GRID2: variants seen among roughly 807,000 people sequenced by gnomAD.
The protein encoded by GRID2 is glutamate ionotropic receptor delta type subunit 2.
GRID2 carries 33 observed loss-of-function variants against 114.8 expected under a neutral mutation model. The ratio of observed to expected loss-of-function variants is 0.29; its 90% CI spans 0.22 to 0.38. GRID2 has a LOEUF of 0.38. Among genes scored for constraint, GRID2 ranks in the 10% least tolerant of loss-of-function variants. GRID2 has a pLI of 1.00. For missense variants in GRID2, 1,184 were observed against 1,257.7 expected (o/e 0.94, Z 0.89); for synonymous variants, 505 against 449.9 (o/e 1.12, Z -1.55).
intron 13 of GRID2, among the ~76,000 whole-genome samples, chr4:93,592,603 C>T (rs376268280): frequency 9.2e-5 from 14 of 152,004 alleles, no homozygotes; most frequent in Middle Eastern, 3.4e-3. Context: ...TTCAATTCCT[C>T]GGTATCCTTG....
intron 2 of GRID2, among the ~76,000 whole-genome samples, chr4:93,066,269 AAC>A (rs1357481613): frequency 1.3e-5 from 2 of 152,034 alleles, no homozygotes; most frequent in Admixed American, 6.6e-5. Flanking sequence ...AGAGAAAAGT[AAC>A]ACAGTAATTT....
chr4:92,726,603 T>C (rs911134304), intron 2 of GRID2, among the ~76,000 whole-genome samples: 2 of 152,104 alleles, frequency 1.3e-5, no homozygotes, highest in African/African-American at 4.8e-5. Context: ...ATTTTGAAGC[T>C]GTAGTGAAAA....
intron 8 of GRID2, among the ~76,000 whole-genome samples, chr4:93,373,984 G>A (rs1457396471): frequency 6.6e-6 from 1 of 152,170 alleles, no homozygotes; most frequent in African/African-American, 2.4e-5. Context: ...ATACTAGTAT[G>A]TGTTGTCTTA....
intron 8 of GRID2, among the ~76,000 whole-genome samples, chr4:93,336,122 T>A (rs1251498033): frequency 6.6e-6 from 1 of 152,216 alleles, no homozygotes; most frequent in East Asian, 1.9e-4. Flanking sequence ...TTTGCCTTAA[T>A]GAAAATAAAA....
chr4:92,483,355 A>G (rs1210522103), intron 1 of GRID2, among the ~76,000 whole-genome samples: 1 of 152,028 alleles, frequency 6.6e-6, no homozygotes, highest in African/African-American at 2.4e-5. Flanking sequence ...TAATAATACT[A>G]ATAATAATAA....
chr4:93,117,293 A>G (rs1733362915), intron 4 of GRID2, among the ~76,000 whole-genome samples: 1 of 152,028 alleles, frequency 6.6e-6, no homozygotes, highest in Admixed American at 6.6e-5. Context: ...ATTCACCTAG[A>G]AAATTCACCT....
At chr4:93,770,206 T>A (rs1439552) in intron 15 of GRID2, among the ~76,000 whole-genome samples, 18 of 152,234 alleles carry the variant, frequency 1.2e-4, no homozygotes, top group African/African-American at 4.1e-4. Context: ...TCCATTGGAC[T>A]AAAGGGGTGA....
At chr4:92,920,848 T>G (rs574742191) in intron 2 of GRID2, among the ~76,000 whole-genome samples, 46 of 151,972 alleles carry the variant, frequency 3.0e-4, no homozygotes, top group Admixed American at 1.8e-3. Flanking sequence ...TTCTCAAGGA[T>G]TATCTTTGTG....
intron 12 of GRID2, among the ~76,000 whole-genome samples, chr4:93,495,025 T>A (rs1048243088): frequency 4.0e-5 from 6 of 151,810 alleles, no homozygotes; most frequent in Non-Finnish European, 7.4e-5. Context: ...TAGTTATTAA[T>A]AACTTTAGAA....
chr4:93,627,395 T>C (rs1248683895), intron 14 of GRID2, among the ~76,000 whole-genome samples: 1 of 152,086 alleles, frequency 6.6e-6, no homozygotes, highest in East Asian at 1.9e-4. Flanking sequence ...GAACTAAAAA[T>C]CAGTAGTTCA....
intron 8 of GRID2, among the ~76,000 whole-genome samples, chr4:93,316,317 A>AAGGAAGGAAGGAAGG (rs1232806918): frequency 7.8e-5 from 4 of 51,156 alleles, no homozygotes; most frequent in African/African-American, 3.6e-4. Context: ...AGAAAGAAAG[A>AAGGAAGGAAGGAAGG]AAGAAAGAAA....
At chr4:92,554,035 A>G (rs1726730309) in intron 1 of GRID2, among the ~76,000 whole-genome samples, 1 of 152,182 alleles carries the variant, frequency 6.6e-6, no homozygotes, top group Non-Finnish European at 1.5e-5. Flanking sequence ...CAACATATTC[A>G]ACAACATTAT....
chr4:92,326,539 A>G (rs1400466788), intron 1 of GRID2, among the ~76,000 whole-genome samples: 2 of 151,930 alleles, frequency 1.3e-5, no homozygotes, highest in Non-Finnish European at 2.9e-5. Flanking sequence ...TATAGAAAGG[A>G]TAAAGTGAAA....
chr4:93,541,225 G>A (rs1732622108), intron 13 of GRID2, among the ~76,000 whole-genome samples: 1 of 152,146 alleles, frequency 6.6e-6, no homozygotes, highest in Non-Finnish European at 1.5e-5. Flanking sequence ...CATGCGGACA[G>A]TAAATCCCAC....
At chr4:93,808,729 T>C (rs1330047950) in exon 2 of GRID2, 2 of 152,212 alleles carry the variant, frequency 1.3e-5, no homozygotes, top group African/African-American at 4.8e-5. Context: ...TGATGGACAG[T>C]TGTCCACAGA....
chr4:92,825,585 A>T (rs1741640603), intron 2 of GRID2, among the ~76,000 whole-genome samples: 1 of 152,182 alleles, frequency 6.6e-6, no homozygotes, highest in East Asian at 1.9e-4. Context: ...GACACATAGC[A>T]AGGCTAAAAC....
chr4:92,420,187 T>A (rs995330811), intron 1 of GRID2, among the ~76,000 whole-genome samples: 5 of 152,168 alleles, frequency 3.3e-5, no homozygotes, highest in Admixed American at 6.6e-5. Context: ...AATTCTTTGC[T>A]ATAGCTTTGC....
chr4:93,556,295 G>T (rs904041703), intron 13 of GRID2, among the ~76,000 whole-genome samples: 3 of 152,124 alleles, frequency 2.0e-5, no homozygotes, highest in African/African-American at 7.2e-5. Context: ...CAGAAAGTGG[G>T]TAATAAATTC....
intron 2 of GRID2, among the ~76,000 whole-genome samples, chr4:93,033,723 A>G (rs1164554796): frequency 6.6e-6 from 1 of 151,588 alleles, no homozygotes; most frequent in Non-Finnish European, 1.5e-5. Context: ...TCATTTTATG[A>G]ATTTTCATTT....
Sources: allele counts gnomAD v4.1 joint callset (sites outside exome capture counted in the v4.1 genomes callset), GRCh38; gene constraint gnomAD v4.1.1; transcripts MANE v1.5; gene names NCBI Gene and HGNC (gene_info 2026-07-23, HGNC 2026-07-21).